F8: variants seen among roughly 807,000 people sequenced by gnomAD.
F8 encodes the protein antihemophilic factor.
F8 carries 12 observed loss-of-function variants against 140.6 expected under a neutral mutation model. The observed-to-expected ratio is 0.09, with a 90% CI of 0.05 to 0.14. F8 has a LOEUF of 0.14. F8 is among the 10% of genes least tolerant of loss of function. The pLI, the probability that F8 is intolerant of heterozygous loss-of-function variation, is 1.00. For missense variants in F8, 1,354 were observed against 1,720.7 expected, an observed-to-expected ratio of 0.79 and a Z score of 3.77; for synonymous variants, 585 against 614.6, an observed-to-expected ratio of 0.95 and a Z score of 0.71.
intron 22 of F8, among the ~76,000 whole-genome samples, chrX:154,890,352 G>A (rs2072934660): frequency 8.9e-6 from 1 of 112,051 alleles, no homozygotes; most frequent in Non-Finnish European, 1.9e-5. Context: ...CATGAGAGTA[G>A]TTAATAACTG....
intron 1 of F8, among the ~76,000 whole-genome samples, chrX:155,011,993 G>A (rs191238183): frequency 8.9e-6 from 1 of 112,085 alleles, no homozygotes; most frequent in East Asian, 2.8e-4. Context: ...CTGGGGAAAG[G>A]AAGAAAATTA....
chrX:154,879,075 C>A, intron 22 of F8, among the ~76,000 whole-genome samples: 1 of 110,938 alleles, frequency 9.0e-6, no homozygotes, highest in African/African-American at 3.3e-5. Context: ...AAGTGATCTA[C>A]AGATTTAATA....
At chrX:154,844,072 G>C (rs781990051) in intron 25 of F8, among the ~76,000 whole-genome samples, 1 of 111,301 alleles carries the variant, frequency 9.0e-6, no homozygotes, top group African/African-American at 3.3e-5. Flanking sequence ...TCTTGTTTTT[G>C]TCAGGTTTGT....
chrX:154,906,361 C>T (rs978237772), intron 15 of F8, 59 bp downstream of exon 15: 15 of 1,096,773 alleles, frequency 1.4e-5, no homozygotes, highest in Middle Eastern at 3.5e-4. Context: ...ACATTATAGT[C>T]AGCAAGAAAA....
intron 4 of F8, among the ~76,000 whole-genome samples, chrX:154,990,665 G>A (rs1557284580): frequency 2.4e-4 from 27 of 111,873 alleles, no homozygotes. Flanking sequence ...ATGAGAAAGT[G>A]CCAAAACCAC....
At chrX:154,996,830 A>C in intron 3 of F8, 143 bp downstream of exon 3, 1 of 698,774 alleles carries the variant, frequency 1.4e-6, no homozygotes, top group East Asian at 3.2e-5. Context: ...ATCTTGAGAT[A>C]TTTATAATCT....
Position 154,929,809 on chromosome X carries a change from C to T in F8, c.3981G>A (p.Thr1327=), listed in dbSNP as rs374245599. Residue 1327 remains threonine (T), a synonymous_variant, in exon 14 of 26, where the codon ACG becomes ACA. Coordinates refer to ENST00000360256, the MANE Select transcript of F8 (RefSeq NM_000132.4). The part of the protein sequence containing the change: ...SPNTSQQNFV[T]QRSKRALKQF... ...GTTTCAAAGCTCTCTTACTACGTTG[C>T]GTGACAAAATTCTGCTGGCTTGTAT... The T allele has an allele frequency of 1.6e-5, 19 of 1,211,410 alleles. No homozygotes were observed. Among genetic ancestry groups the T allele is most frequent in the Middle Eastern group, 2.3e-4 (1 of 4,354 alleles).
intron 25 of F8, among the ~76,000 whole-genome samples, chrX:154,854,084 C>T (rs1295834015): frequency 8.9e-6 from 1 of 111,970 alleles, no homozygotes; most frequent in African/African-American, 3.2e-5. Flanking sequence ...CCATTTCTTC[C>T]CCATTCCAAG....
At chrX:155,015,709 T>C (rs782670696) in intron 1 of F8, among the ~76,000 whole-genome samples, 2 of 111,803 alleles carry the variant, frequency 1.8e-5, no homozygotes, top group South Asian at 7.4e-4. Flanking sequence ...ACCTATTGGG[T>C]ACTATGTTCA....
At chrX:155,001,381 C>G (rs931055306) in intron 1 of F8, among the ~76,000 whole-genome samples, 2 of 97,006 alleles carry the variant, frequency 2.1e-5, no homozygotes, top group African/African-American at 3.9e-5. Context: ...GTGGCGAGAT[C>G]CACCTCCCGG....
At chrX:155,009,371 C>G (rs1171130755) in intron 1 of F8, among the ~76,000 whole-genome samples, 3 of 111,093 alleles carry the variant, frequency 2.7e-5, no homozygotes, top group Non-Finnish European at 5.7e-5. Flanking sequence ...TATCCTACCC[C>G]CTCTCTGTGC....
chrX:154,964,964 C>A (rs1464159095), intron 9 of F8, among the ~76,000 whole-genome samples: 1 of 111,804 alleles, frequency 8.9e-6, no homozygotes, highest in Non-Finnish European at 1.9e-5. Context: ...TATCCATAAT[C>A]TATAAAGACC....
chrX:154,950,441 C>T (rs1489301617), intron 12 of F8, among the ~76,000 whole-genome samples: 1 of 111,633 alleles, frequency 9.0e-6, no homozygotes, highest in Non-Finnish European at 1.9e-5. Context: ...ATCATCCTAT[C>T]CAGTTTATTC....
intron 14 of F8, among the ~76,000 whole-genome samples, chrX:154,927,825 A>G (rs1243532698): frequency 9.0e-6 from 1 of 111,430 alleles, no homozygotes; most frequent in Non-Finnish European, 1.9e-5. Flanking sequence ...GTCTGGAAAC[A>G]TCTTCTCTCA....
intron 22 of F8, among the ~76,000 whole-genome samples, chrX:154,866,206 T>C (rs1240034619): frequency 8.9e-6 from 1 of 111,860 alleles, no homozygotes; most frequent in East Asian, 2.8e-4. Context: ...GTAATAATTA[T>C]AAATATATAT....
At chrX:155,016,170 G>C (rs1183084319) in intron 1 of F8, among the ~76,000 whole-genome samples, 1 of 109,977 alleles carries the variant, frequency 9.1e-6, no homozygotes, top group African/African-American at 3.3e-5. Context: ...CTAGGAGGCA[G>C]ATGTTGAGCT....
At chrX:154,963,542 T>G (rs1200225628) in intron 9 of F8, among the ~76,000 whole-genome samples, 1 of 111,962 alleles carries the variant, frequency 8.9e-6, no homozygotes, top group African/African-American at 3.3e-5. Context: ...AGCAGCATGA[T>G]TTATATTCCT....
intron 22 of F8, among the ~76,000 whole-genome samples, chrX:154,867,249 T>C (rs1458326313): frequency 1.8e-5 from 2 of 112,124 alleles, no homozygotes; most frequent in East Asian, 5.5e-4. Context: ...CATGGATGAA[T>C]TCCATCAAAC....
intron 22 of F8, among the ~76,000 whole-genome samples, chrX:154,893,465 A>G (rs994203926): frequency 3.6e-5 from 4 of 112,672 alleles, no homozygotes; most frequent in African/African-American, 1.3e-4. Context: ...AGTGGCTTTA[A>G]AAAATGACCA....
Sources: allele counts gnomAD v4.1 joint callset (sites outside exome capture counted in the v4.1 genomes callset), GRCh38; gene constraint gnomAD v4.1.1; transcripts MANE v1.5; gene names NCBI Gene and HGNC (gene_info 2026-07-23, HGNC 2026-07-21).